COL6A3: variants seen among roughly 807,000 people sequenced by gnomAD.
The protein encoded by COL6A3 is collagen alpha-3(VI) chain.
A neutral mutation model predicts 274.1 loss-of-function variants in COL6A3; 137 were observed. That is an observed-to-expected ratio of 0.50 (90% CI 0.44 to 0.58). The LOEUF is 0.58. COL6A3 is among the 20% of genes least tolerant of loss of function. The pLI, the probability that COL6A3 is intolerant of heterozygous loss-of-function variation, is 0.00. For synonymous variants in COL6A3, 1,650 were observed against 1,650.6 expected (o/e 1.00, Z 0.01); for missense variants, 3,950 against 4,124.9 (o/e 0.96, Z 1.16).
chr2:237,346,710 G>A, intron 31 of COL6A3, 145 bp from the exon 32 acceptor site: 1 of 737,386 alleles, frequency 1.4e-6, no homozygotes, highest in Non-Finnish European at 2.3e-6. Context: ...GAGCTAAAAT[G>A]TCTCTTAAAT....
At chr2:237,358,968 A>G (rs2106340895) in intron 20 of COL6A3, 67 bp downstream of exon 20, 1 of 1,573,704 alleles carries the variant, frequency 6.4e-7, no homozygotes, top group Non-Finnish European at 8.7e-7. Flanking sequence ...AGGAAAGAAA[A>G]TAACTATTCC....
At chr2:237,362,479 A>T (rs1207561475) in intron 14 of COL6A3, among the ~76,000 whole-genome samples, 1 of 152,262 alleles carries the variant, frequency 6.6e-6, no homozygotes, top group Non-Finnish European at 1.5e-5. Flanking sequence ...AATGGTGGGC[A>T]CATGCACTTT....
In COL6A3 at chr2:237,355,314, C is replaced by T. The variant is rs2077294998; in HGVS notation, c.6592-380G>A. On this transcript the variant is annotated intron_variant, in intron 23 of 43. Transcript: ENST00000295550. ...ACCTGTCTATTTTTCTTCCACCTTC[C>T]CAACTGTACTGAGAAGTCATGAAAT... 4 of 228,356 alleles carry T rather than the reference C, an allele frequency of 1.8e-5. No homozygotes were observed. The South Asian group carries it at 4.3e-4, about 25-fold the overall frequency. The allele number at this position is 228,356 out of a possible 1,614,324, so 14.1% of individuals were successfully genotyped here.
At chr2:237,347,908 A>G in intron 30 of COL6A3, 39 bp from the exon 31 acceptor site, 1 of 1,582,250 alleles carries the variant, frequency 6.3e-7, no homozygotes, top group Non-Finnish European at 8.6e-7. Flanking sequence ...TAAGCTTTGG[A>G]ACAGAAGATC....
chr2:237,408,116 T>A (rs954081364), intron 1 of COL6A3, among the ~76,000 whole-genome samples: 1 of 152,170 alleles, frequency 6.6e-6, no homozygotes, highest in Non-Finnish European at 1.5e-5. Context: ...CTAGTCTAAT[T>A]TATAATCAAG....
At chr2:237,352,478 C>T in intron 26 of COL6A3, 44 bp downstream of exon 26, 1 of 1,572,190 alleles carries the variant, frequency 6.4e-7, no homozygotes, top group Non-Finnish European at 8.7e-7. Flanking sequence ...GGCAATGTGC[C>T]CTCTGTTCAG....
intron 1 of COL6A3, among the ~76,000 whole-genome samples, chr2:237,411,696 A>C (rs915091614): frequency 4.6e-5 from 7 of 152,258 alleles, no homozygotes; most frequent in African/African-American, 1.7e-4. Flanking sequence ...CAATTTGCTG[A>C]GTCCTGAATG....
chr2:237,335,039 C>A, intron 40 of COL6A3, 150 bp from the exon 41 acceptor site: 1 of 830,938 alleles, frequency 1.2e-6, no homozygotes, highest in Non-Finnish European at 2.0e-6. Flanking sequence ...TGTTCAAGCC[C>A]CTAAAAAACA....
intron 1 of COL6A3, among the ~76,000 whole-genome samples, chr2:237,401,400 T>C (rs1205250188): frequency 1.3e-5 from 2 of 152,028 alleles, no homozygotes; most frequent in African/African-American, 4.8e-5. Flanking sequence ...TGTTTTATAG[T>C]TTTTAGTGCA....
chr2:237,335,143 C>A (rs866077367), intron 40 of COL6A3, among the ~76,000 whole-genome samples: 1 of 152,006 alleles, frequency 6.6e-6, no homozygotes, highest in East Asian at 1.9e-4. Flanking sequence ...TTAAAAATCT[C>A]GCCTGTTAAG....
intron 42 of COL6A3, among the ~76,000 whole-genome samples, chr2:237,330,390 A>G (rs1700167487): frequency 6.6e-6 from 1 of 152,256 alleles, no homozygotes; most frequent in Non-Finnish European, 1.5e-5. Flanking sequence ...TGCCATTTAC[A>G]GGCAGCAGAT....
At chr2:237,384,573 C>G (rs1009273329) in intron 4 of COL6A3, among the ~76,000 whole-genome samples, 1 of 152,126 alleles carries the variant, frequency 6.6e-6, no homozygotes, top group South Asian at 2.1e-4. Context: ...GCATGCCACG[C>G]TCGGAACTCC....
chr2:237,340,091 T>C (rs569983302), intron 38 of COL6A3, among the ~76,000 whole-genome samples: 1 of 152,258 alleles, frequency 6.6e-6, no homozygotes, highest in African/African-American at 2.4e-5. Context: ...CTAACAGAAA[T>C]CACTTCTCTC....
intron 3 of COL6A3, among the ~76,000 whole-genome samples, chr2:237,392,458 C>G (rs1254403179): frequency 6.6e-6 from 1 of 152,190 alleles, no homozygotes; most frequent in African/African-American, 2.4e-5. Flanking sequence ...AGCCTCAACT[C>G]TCTTTTTCCT....
rs2077993735 is a variant in COL6A3 at position 237,381,165 on chromosome 2, A to T, written c.1647T>A (p.Ile549=). 1 of 1,614,142 alleles carries T rather than the reference A, an allele frequency of 6.2e-7. No homozygotes were observed. Among genetic ancestry groups the T allele is most frequent in the Non-Finnish European group, 8.5e-7 (1 of 1,180,056 alleles). Residue 549 remains isoleucine (I), a synonymous_variant, in exon 5 of 44, where the codon ATT becomes ATA. Transcript: ENST00000295550. ...CTGTGATCAGCACCAAAAGCTTAGG[A>T]ATCCCCTCGGCAGCCCGGTAGCCGG... is the stretch of plus-strand genomic sequence containing the variant. ...SSAGYRAAEG[I]PKLLVLITGG... is the part of the protein sequence containing the mutation.
chr2:237,389,064 A>G (rs2106380383), intron 3 of COL6A3, among the ~76,000 whole-genome samples: 1 of 152,346 alleles, frequency 6.6e-6, no homozygotes, highest in Non-Finnish European at 1.5e-5. Context: ...AAGGACCATG[A>G]GCATCGAATA....
intron 40 of COL6A3, 119 bp downstream of exon 40, chr2:237,336,016 G>T: frequency 7.7e-7 from 1 of 1,294,808 alleles, no homozygotes; most frequent in Non-Finnish European, 1.1e-6. Context: ...TCATCCAGGT[G>T]TACAAGCCCA....
At position 237,377,063 on chromosome 2, in the gene COL6A3, T is replaced by C; in HGVS notation, c.2779A>G (p.Ile927Val). Residue 927 changes from isoleucine (I) to valine (V), a missense_variant, in exon 7 of 44, where the codon ATT becomes GTT. Coordinates refer to ENST00000295550, the MANE Select transcript of COL6A3 (RefSeq NM_004369.4). ...CGGCTGCCAGCAGACTTCACAAAAA[T>C]GTACCTCTGTGCATAGTCCAGCGCG... Reference protein sequence around the residue: ...GYALDYAQRYIFVKSAGSRIE... With the variant: ...GYALDYAQRYVFVKSAGSRIE... The C allele has an allele frequency of 1.9e-6, 3 of 1,614,200 alleles. No homozygotes were observed. The highest frequency in any genetic ancestry group is 1.6e-4 in the Middle Eastern group (1 of 6,062).
chr2:237,366,389 T>C (rs556678486), intron 11 of COL6A3, among the ~76,000 whole-genome samples: 2 of 152,362 alleles, frequency 1.3e-5, no homozygotes, highest in South Asian at 4.1e-4. Context: ...ATACTTGATC[T>C]AATAAATCTA....
Sources: allele counts gnomAD v4.1 joint callset (sites outside exome capture counted in the v4.1 genomes callset), GRCh38; gene constraint gnomAD v4.1.1; transcripts MANE v1.5; gene names NCBI Gene and HGNC (gene_info 2026-07-23, HGNC 2026-07-21).